Variants in TBC1D22A observed in about 807,000 individuals in gnomAD.
TBC1D22A encodes putative GTPase activator.
Under a neutral mutation model 60.2 loss-of-function variants are expected in TBC1D22A, and 38 were observed. The observed-to-expected ratio is 0.63, with a 90% CI of 0.49 to 0.83. The LOEUF is 0.83. TBC1D22A is among the 40% of genes least tolerant of loss of function. TBC1D22A has a pLI of 0.00. For synonymous variants in TBC1D22A, 302 were observed against 281.7 expected (o/e 1.07, Z -0.72); for missense variants, 628 against 701.0 (o/e 0.90, Z 1.18).
At chr22:46,932,121 C>T (rs2147894624) in intron 8 of TBC1D22A, among the ~76,000 whole-genome samples, 1 of 152,342 alleles carries the variant, frequency 6.6e-6, no homozygotes, top group African/African-American at 2.4e-5. Context: ...CTAGTCAGAG[C>T]AAGACTCTGT....
At position 47,034,267 on chromosome 22, in the gene TBC1D22A, C is replaced by T. The variant is rs147478723; in HGVS notation, c.1202-2804C>T. Among the ~76,000 whole-genome samples the T allele has an allele frequency of 2.6e-3, 400 of 152,174 alleles. 6 individuals are homozygous for T. The highest frequency in any genetic ancestry group is 4.1e-3 in the Non-Finnish European group (281 of 67,998). On this transcript the variant is annotated intron_variant, in intron 10 of 12. Coordinates refer to ENST00000337137, the MANE Select transcript of TBC1D22A (RefSeq NM_014346.5). Reference sequence around the variant, plus strand: ...TGGAGCTCTTGGAGTGGGTGTCCTGCGTGAGCCACTGGGACCTGTCCTTCC... The same window carrying T: ...TGGAGCTCTTGGAGTGGGTGTCCTGTGTGAGCCACTGGGACCTGTCCTTCC...
chr22:47,173,504 C>T lies in TBC1D22A; in HGVS notation c.1432C>T (p.Leu478=), dbSNP rs751570307. The T allele has an allele frequency of 1.2e-6, 2 of 1,614,014 alleles. No homozygotes were observed. The highest frequency in any genetic ancestry group is 1.1e-5 in the South Asian group (1 of 91,086). Residue 478 remains leucine, a synonymous_variant, in exon 13 of 13, where the codon CTG becomes TTG. Coordinates refer to ENST00000337137, the MANE Select transcript of TBC1D22A (RefSeq NM_014346.5). ...CTTGTCTCTTTCTCCCCAGGAGCTG[C>T]TGCTCTTCCTCCAGAACCTGCCCAC... ...ILEEKDFQEL[L]LFLQNLPTAH... is the part of the protein sequence containing the mutation.
intron 1 of TBC1D22A, among the ~76,000 whole-genome samples, chr22:46,783,140 TCTG>T (rs1463408797): frequency 6.6e-6 from 1 of 152,230 alleles, no homozygotes; most frequent in East Asian, 1.9e-4. Flanking sequence ...TTTCTGCCAT[TCTG>T]CTGGGTGTGA....
chr22:46,805,425 C>A (rs1284189168), intron 4 of TBC1D22A, among the ~76,000 whole-genome samples: 2 of 152,250 alleles, frequency 1.3e-5, no homozygotes, highest in African/African-American at 4.8e-5. Context: ...AGCAAGATGC[C>A]TGGAGGCAGG....
rs571000026 is a variant in TBC1D22A at position 46,866,889 on chromosome 22, A to G, written c.638-11764A>G. The stretch of plus-strand genomic sequence containing the variant: ...ACTGTTTTCAAGGAGTGGATTTCTT[A>G]CCAGTCCTTTATTATGCTAACAGAA... On this transcript the variant is annotated intron_variant, in intron 4 of 12. Transcript: ENST00000337137. Among the ~76,000 whole-genome samples the G allele has an allele frequency of 5.3e-5, 8 of 152,348 alleles. 1 individual carries two copies. The South Asian group carries it at 1.7e-3, about 32-fold the overall frequency.
chr22:46,772,074 C>A (rs749472077), intron 1 of TBC1D22A, among the ~76,000 whole-genome samples: 14 of 146,000 alleles, frequency 9.6e-5, no homozygotes, highest in Non-Finnish European at 1.6e-4. Context: ...TGTATACACA[C>A]ATATACATAT....
At chr22:47,091,466 G>GTC (rs1219737832) in intron 11 of TBC1D22A, among the ~76,000 whole-genome samples, 1 of 149,738 alleles carries the variant, frequency 6.7e-6, no homozygotes, top group Non-Finnish European at 1.5e-5. Context: ...GGCACGAGAA[G>GTC]TCGTCTTTGC....
chr22:47,013,074 A>G (rs1358777745), intron 10 of TBC1D22A, among the ~76,000 whole-genome samples: 1 of 152,182 alleles, frequency 6.6e-6, no homozygotes, highest in East Asian at 1.9e-4. Flanking sequence ...GCGCGAGTGG[A>G]GCTGGACATA....
chr22:47,119,059 G>A (rs2066175744), intron 12 of TBC1D22A, among the ~76,000 whole-genome samples: 1 of 152,180 alleles, frequency 6.6e-6, no homozygotes. Flanking sequence ...TGAGGCAGGA[G>A]AATCGTTTGA....
At chr22:47,066,055 A>C (rs1603224185) in intron 11 of TBC1D22A, among the ~76,000 whole-genome samples, 2 of 152,242 alleles carry the variant, frequency 1.3e-5, no homozygotes, top group African/African-American at 4.8e-5. Flanking sequence ...GGTGGAAAGA[A>C]ACACATTTAT....
intron 1 of TBC1D22A, chr22:46,774,125 GGGCCTGCCTGCCC>G: frequency 6.1e-6 from 6 of 985,652 alleles, no homozygotes; most frequent in Non-Finnish European, 7.2e-6. Context: ...GCTGCCTGCT[GGGCCTGCCTGCCC>G]TTGGAGCCCT....
intron 11 of TBC1D22A, among the ~76,000 whole-genome samples, chr22:47,058,566 C>T (rs560756722): frequency 4.4e-4 from 67 of 152,090 alleles, no homozygotes; most frequent in African/African-American, 1.6e-3. Flanking sequence ...TCCCTCTGCC[C>T]TCTCTTCTGC....
chr22:46,950,722 G>A (rs1478574972), intron 8 of TBC1D22A, among the ~76,000 whole-genome samples: 4 of 152,168 alleles, frequency 2.6e-5, no homozygotes, highest in Non-Finnish European at 5.9e-5. Context: ...GCGAATGACG[G>A]GTGAGTGTGG....
chr22:46,992,033 G>A (rs540343811), intron 9 of TBC1D22A, among the ~76,000 whole-genome samples: 45 of 152,322 alleles, frequency 3.0e-4, no homozygotes, highest in Non-Finnish European at 4.3e-4. Context: ...CTTGCCTGGC[G>A]AGTGATGAAC....
At chr22:46,938,288 G>A (rs933058017) in intron 8 of TBC1D22A, among the ~76,000 whole-genome samples, 3 of 152,134 alleles carry the variant, frequency 2.0e-5, no homozygotes, top group Non-Finnish European at 2.9e-5. Flanking sequence ...TGACCTTTGT[G>A]TTCATTTGCC....
intron 11 of TBC1D22A, among the ~76,000 whole-genome samples, chr22:47,058,733 C>T (rs1022505296): frequency 6.6e-6 from 1 of 152,058 alleles, no homozygotes; most frequent in Non-Finnish European, 1.5e-5. Flanking sequence ...TCGCTGAGGC[C>T]CAGGCCTTGG....
intron 4 of TBC1D22A, among the ~76,000 whole-genome samples, chr22:46,803,505 AC>A (rs1244375593): frequency 2.0e-5 from 3 of 151,692 alleles, no homozygotes; most frequent in Admixed American, 6.6e-5. Context: ...GGTTCTTGCG[AC>A]CCGGCCGTCA....
intron 4 of TBC1D22A, among the ~76,000 whole-genome samples, chr22:46,847,958 C>T (rs62233857): frequency 0.026 from 1,800 of 69,164 alleles, 23 homozygotes; most frequent in African/African-American, 0.11. Context: ...TGTGTGTGCG[C>T]GCGCGCACGC....
chr22:46,880,807 C>G (rs1229966776), intron 5 of TBC1D22A, among the ~76,000 whole-genome samples: 1 of 152,060 alleles, frequency 6.6e-6, no homozygotes, highest in Non-Finnish European at 1.5e-5. Flanking sequence ...GACTTGCAGT[C>G]ACAAGGGATA....
Sources: allele counts gnomAD v4.1 joint callset (sites outside exome capture counted in the v4.1 genomes callset), GRCh38; gene constraint gnomAD v4.1.1; transcripts MANE v1.5; gene names NCBI Gene and HGNC (gene_info 2026-07-23, HGNC 2026-07-21).